Variants in TNS1 observed in about 807,000 individuals in gnomAD.
The protein encoded by TNS1 is tensin-1.
Under a neutral mutation model 168.6 loss-of-function variants are expected in TNS1, and 62 were observed. The observed-to-expected ratio is 0.37, with a 90% CI of 0.30 to 0.45. The LOEUF is 0.45. TNS1 is among the 20% of genes least tolerant of loss of function. The pLI is 1.00. For synonymous variants in TNS1, 934 were observed against 933.2 expected (o/e 1.00, Z -0.02); for missense variants, 2,240 against 2,339.4 (o/e 0.96, Z 0.88).
At chr2:218,004,537 C>G (rs952538219), upstream of TNS1, among the ~76,000 whole-genome samples, 2 of 152,220 alleles carry the variant, frequency 1.3e-5, no homozygotes, top group Non-Finnish European at 2.9e-5. Context: ...GAAGGGGAAA[C>G]ACTGACTCTT....
chr2:217,997,862 G>A (rs890851072), intron 1 of TNS1, among the ~76,000 whole-genome samples: 4 of 152,256 alleles, frequency 2.6e-5, no homozygotes, highest in African/African-American at 4.8e-5. Flanking sequence ...CCAGGTAGAC[G>A]TGTCAGACAC....
At chr2:217,992,644 G>A (rs1958397824) in intron 1 of TNS1, 1 of 152,414 alleles carries the variant, frequency 6.6e-6, no homozygotes, top group African/African-American at 2.4e-5. Flanking sequence ...AAGAGAGGGG[G>A]ACAGAGAGAA....
chr2:217,850,223 G>A, intron 18 of TNS1: 1 of 985,402 alleles, frequency 1.0e-6, no homozygotes, highest in Non-Finnish European at 1.2e-6. Flanking sequence ...TGAAGAACAG[G>A]CCAAGGTGGG....
chr2:217,846,389 G>A (rs530982091), intron 19 of TNS1, among the ~76,000 whole-genome samples: 4 of 152,200 alleles, frequency 2.6e-5, no homozygotes, highest in East Asian at 3.9e-4. Flanking sequence ...CTAAACCCAC[G>A]GTCCATCTCC....
intron 22 of TNS1, chr2:217,829,729 G>C: frequency 8.2e-7 from 1 of 1,214,848 alleles, no homozygotes. Context: ...CATGTGCCTG[G>C]TCGCCTGAGT....
At chr2:217,837,556 A>G (rs1250443509) in intron 19 of TNS1, among the ~76,000 whole-genome samples, 1 of 152,230 alleles carries the variant, frequency 6.6e-6, no homozygotes, top group Non-Finnish European at 1.5e-5. Context: ...GCGCATCAGG[A>G]GAGCAGCAGG....
At chr2:217,965,920 C>T (rs931241426) in intron 3 of TNS1, among the ~76,000 whole-genome samples, 5 of 152,120 alleles carry the variant, frequency 3.3e-5, no homozygotes, top group Non-Finnish European at 5.9e-5. Flanking sequence ...CTAGATCCCT[C>T]ACCTGCTCAG....
chr2:217,908,128 C>T (rs2125797525), intron 4 of TNS1, among the ~76,000 whole-genome samples: 1 of 152,170 alleles, frequency 6.6e-6, no homozygotes. Flanking sequence ...AAATTTGGAC[C>T]AATTCATTTG....
chr2:217,914,136 T>C (rs942323351), intron 4 of TNS1, among the ~76,000 whole-genome samples: 12 of 152,110 alleles, frequency 7.9e-5, no homozygotes, highest in African/African-American at 2.7e-4. Context: ...AAGGCAGGTT[T>C]CCCCAACCAC....
At chr2:218,011,920 A>C (rs1958710174), upstream of TNS1, among the ~76,000 whole-genome samples, 2 of 152,010 alleles carry the variant, frequency 1.3e-5, no homozygotes, top group Admixed American at 1.3e-4. Flanking sequence ...CAACCACCAC[A>C]CATGCTCTGG....
chr2:217,913,849 C>A, intron 4 of TNS1, among the ~76,000 whole-genome samples: 1 of 152,138 alleles, frequency 6.6e-6, no homozygotes. Context: ...TCCCTGCCCC[C>A]ATTCCTGCAC....
chr2:217,942,772 G>A (rs1016361463), intron 3 of TNS1, among the ~76,000 whole-genome samples: 4 of 143,612 alleles, frequency 2.8e-5, no homozygotes, highest in African/African-American at 7.8e-5. Flanking sequence ...CCCCACAACC[G>A]CCTGCCTGCC....
At chr2:217,940,226 C>T (rs889437368) in intron 3 of TNS1, among the ~76,000 whole-genome samples, 4 of 152,178 alleles carry the variant, frequency 2.6e-5, no homozygotes, top group African/African-American at 9.7e-5. Flanking sequence ...CCTCCCAAAC[C>T]CCAGTCTCCA....
upstream of TNS1, among the ~76,000 whole-genome samples, chr2:218,011,134 ATCT>A (rs1958702228): frequency 1.3e-5 from 2 of 152,146 alleles, no homozygotes; most frequent in South Asian, 4.1e-4. Flanking sequence ...TCCACTTCAC[ATCT>A]TCTCCCTTCT....
At chr2:217,963,390 C>G (rs1957546867) in intron 3 of TNS1, among the ~76,000 whole-genome samples, 1 of 152,196 alleles carries the variant, frequency 6.6e-6, no homozygotes, top group South Asian at 2.1e-4. Context: ...CATCACAGGT[C>G]ACTGGCTATC....
Position 217,880,798 on chromosome 2 carries a change from C to G in TNS1, c.1429+100G>C. On this transcript the variant is annotated intron_variant, in intron 18 of 32. Transcript: ENST00000682258. The surrounding 1 kb of genome is among the most constrained non-coding windows in gnomAD (Gnocchi z 4.2). ...CTCACACTTCCCCTCTGCCTCCTCT[C>G]GAACCCAGATCTCTTGAAAGCAGGC... 7.7e-6 allele frequency: 7 copies of G among 913,164 alleles called. No homozygotes were observed. Among genetic ancestry groups the G allele is most frequent in the South Asian group, 1.5e-5 (1 of 68,250 alleles). The allele number at this position is 913,164 out of a possible 1,614,324, so 56.6% of individuals were successfully genotyped here.
chr2:217,968,058 A>G (rs1307044581), intron 3 of TNS1, among the ~76,000 whole-genome samples: 1 of 152,244 alleles, frequency 6.6e-6, no homozygotes, highest in Non-Finnish European at 1.5e-5. Context: ...AAACTACATG[A>G]TCATCATTAA....
chr2:217,865,973 C>T (rs962550444), intron 18 of TNS1, among the ~76,000 whole-genome samples: 1 of 152,182 alleles, frequency 6.6e-6, no homozygotes, highest in Non-Finnish European at 1.5e-5. Flanking sequence ...TAGACAGATG[C>T]GTGGAGTGGA....
chr2:217,888,099 T>A (rs61032801), intron 12 of TNS1, among the ~76,000 whole-genome samples: 336 of 152,252 alleles, frequency 2.2e-3, no homozygotes, highest in African/African-American at 7.6e-3. Flanking sequence ...AGTAAGATAA[T>A]CTGATGGGCA....
Sources: allele counts gnomAD v4.1 joint callset (sites outside exome capture counted in the v4.1 genomes callset), GRCh38; gene constraint gnomAD v4.1.1; non-coding constraint Gnocchi (gnomAD v3.1); transcripts MANE v1.5; gene names NCBI Gene and HGNC (gene_info 2026-07-23, HGNC 2026-07-21).